Variants in RASSF5 observed in about 807,000 individuals in gnomAD.
The protein encoded by RASSF5 is Ras association domain family member 5, also known as ras association domain-containing protein 5.
Under a neutral mutation model 40.5 loss-of-function variants are expected in RASSF5, and 25 were observed. The observed-to-expected ratio is 0.62, with a 90% CI of 0.45 to 0.86. The LOEUF (loss-of-function observed/expected upper bound fraction) is 0.86. RASSF5 is among the 40% of genes least tolerant of loss of function. RASSF5 has a pLI of 0.00. For missense variants in RASSF5, 521 were observed against 572.8 expected (o/e 0.91, Z 0.92); for synonymous variants, 246 against 252.4 (o/e 0.97, Z 0.24).
intron 2 of RASSF5, among the ~76,000 whole-genome samples, chr1:206,582,730 T>C (rs2103568900): frequency 6.6e-6 from 1 of 152,354 alleles, no homozygotes; most frequent in East Asian, 1.9e-4. Context: ...GACTGGTCTC[T>C]ATGTGTCCTT....
At position 206,531,938 on chromosome 1, in the gene RASSF5, G is replaced by C. The variant is rs916460430; in HGVS notation, c.458-6234G>C. On this transcript the variant is annotated intron_variant, in intron 1 of 5. Transcript: ENST00000579436. The surrounding 1 kb of genome is among the most constrained non-coding windows in gnomAD (Gnocchi z 4.7). The stretch of plus-strand genomic sequence containing the variant: ...ATGGTGGCGGGTGCCTGTAATGCCA[G>C]CTGCTTGGGAGGCTGAGGCAGGAGA... Among the ~76,000 whole-genome samples, 2 of 151,966 alleles carry C rather than the reference G, an allele frequency of 1.3e-5. No homozygotes were observed. Among genetic ancestry groups the C allele is most frequent in the Non-Finnish European group, 2.9e-5 (2 of 67,992 alleles).
chr1:206,523,729 A>ATTATATATAATATAT lies in RASSF5; in HGVS notation c.458-14440_458-14426dup, dbSNP rs35566268. Among the ~76,000 whole-genome samples the ATTATATATAATATAT allele has an allele frequency of 7.7e-3, 744 of 96,154 alleles. 47 individuals carry two copies. In the East Asian group the frequency reaches 0.1, roughly 13 times the overall value. 63.1% of individuals were successfully genotyped at this position (96,154 alleles called of 152,430 possible). On this transcript the variant is annotated intron_variant, in intron 1 of 5. Coordinates refer to ENST00000579436, the MANE Select transcript of RASSF5 (RefSeq NM_182663.4). ...TATATATTATACAATATATTTATAT[A>ATTATATATAATATAT]TTATATATAATATATTTTATATAAT... is the stretch of plus-strand genomic sequence containing the variant.
chr1:206,579,128 G>A lies in RASSF5; in HGVS notation c.580-4141G>A, dbSNP rs971426121. On this transcript the variant is annotated intron_variant, in intron 2 of 5. Transcript: ENST00000579436. This position sits in a 1 kb window ranked among gnomAD's most constrained non-coding sequence, Gnocchi z 4.2. ...AAAGAAGACATTGCCCTTTTCCACC[G>A]CATAGGACATGTGAGCACAAACCTG... is the stretch of plus-strand genomic sequence containing the variant. Among the ~76,000 whole-genome samples the A allele has an allele frequency of 1.3e-5, 2 of 152,062 alleles. No individual in the cohort carries two copies. Among genetic ancestry groups the A allele is most frequent in the African/African-American group, 2.4e-5 (1 of 41,394 alleles).
At position 206,531,821 on chromosome 1, in the gene RASSF5, A is replaced by T. The variant is rs1468628786; in HGVS notation, c.458-6351A>T. Among the ~76,000 whole-genome samples, 2 of 152,154 alleles carry T rather than the reference A, an allele frequency of 1.3e-5. No homozygotes were observed. Among genetic ancestry groups the T allele is most frequent in the East Asian group, 3.9e-4 (2 of 5,168 alleles). On this transcript the variant is annotated intron_variant, in intron 1 of 5. Coordinates refer to ENST00000579436, the MANE Select transcript of RASSF5 (RefSeq NM_182663.4). The surrounding 1 kb of genome is among the most constrained non-coding windows in gnomAD (Gnocchi z 4.7). ...GGGAGGCCAAGGCAGGCGGATCACGAGGTCAGGAGATCGAGAGCATCCTGG... is the reference window on the plus strand; with the variant it reads ...GGGAGGCCAAGGCAGGCGGATCACGTGGTCAGGAGATCGAGAGCATCCTGG...
chr1:206,583,565 A>G (rs1476599196), intron 3 of RASSF5, 186 bp downstream of exon 3: 46 of 580,162 alleles, frequency 7.9e-5, no homozygotes, highest in South Asian at 4.0e-5. Flanking sequence ...CATGTGCTTT[A>G]GGGAAATAGA....
At chr1:206,568,547 C>T (rs983238317) in intron 2 of RASSF5, among the ~76,000 whole-genome samples, 2 of 152,090 alleles carry the variant, frequency 1.3e-5, no homozygotes, top group African/African-American at 4.8e-5. Flanking sequence ...GGAGACCACT[C>T]GGCTCCCACA....
At chr1:206,537,774 A>T (rs1452366515) in intron 1 of RASSF5, among the ~76,000 whole-genome samples, 1 of 152,146 alleles carries the variant, frequency 6.6e-6, no homozygotes, top group African/African-American at 2.4e-5. Context: ...AGGCCCATAA[A>T]AGTCAAGTCC....
rs781976515 is a variant in RASSF5, at chr1:206,583,325, G to A, written c.636G>A (p.Lys212=). ...TQRPPTLQEI[K]QKIDSYNTRE... The stretch of plus-strand genomic sequence containing the variant: ...GCCCGCCCACACTGCAGGAGATCAA[G>A]CAGAAGATCGACAGCTACAACACGC... Residue 212 remains lysine, a synonymous_variant, in exon 3 of 6, where the codon AAG becomes AAA. Coordinates refer to ENST00000579436, the MANE Select transcript of RASSF5 (RefSeq NM_182663.4). 6.2e-7 allele frequency: 1 copy of A among 1,613,652 alleles called. No individual in the cohort carries two copies. Among genetic ancestry groups the A allele is most frequent in the South Asian group, 1.1e-5 (1 of 91,058 alleles).
chr1:206,543,306 C>G (rs1667592390), intron 2 of RASSF5: 1 of 151,948 alleles, frequency 6.6e-6, no homozygotes, highest in Non-Finnish European at 1.5e-5. Context: ...AGGCCACTCT[C>G]TTTGGCCATC....
chr1:206,574,853 C>CTT (rs71570015), intron 2 of RASSF5, among the ~76,000 whole-genome samples: 903 of 86,062 alleles, frequency 0.01, 12 homozygotes, highest in Middle Eastern at 0.023. Flanking sequence ...GGACCAATGA[C>CTT]TTTTTTTTTT....
rs1221243841 is a variant in RASSF5 at position 206,524,056 on chromosome 1, G to T, written c.458-14116G>T. ...TATATAATATATTTTATATATAATAGGTATAACATATATAATATATTTTAT... is the reference window on the plus strand; with the variant it reads ...TATATAATATATTTTATATATAATATGTATAACATATATAATATATTTTAT... On this transcript the variant is annotated intron_variant, in intron 1 of 5. Coordinates refer to ENST00000579436, the MANE Select transcript of RASSF5 (RefSeq NM_182663.4). Among the ~76,000 whole-genome samples the T allele has an allele frequency of 2.0e-3, 198 of 99,168 alleles. 1 individual carries two copies. Among genetic ancestry groups the T allele is most frequent in the African/African-American group, 6.9e-3 (191 of 27,664 alleles). 65.1% of individuals were successfully genotyped at this position (99,168 alleles called of 152,430 possible). A position where few individuals can be genotyped will look rare whatever the true frequency, so the allele number is the denominator to read the frequency against.
intron 2 of RASSF5, chr1:206,572,555 A>G (rs1553404389): frequency 6.6e-6 from 1 of 152,002 alleles, no homozygotes; most frequent in African/African-American, 2.4e-5. Context: ...TCCCGAGAAA[A>G]CCCTCAGCCC....
At chr1:206,557,921 T>C (rs1200408020) in intron 2 of RASSF5, among the ~76,000 whole-genome samples, 1 of 152,188 alleles carries the variant, frequency 6.6e-6, no homozygotes, top group East Asian at 1.9e-4. Context: ...CTCTTCAAAA[T>C]GGCTCTCCAG....
chr1:206,572,062 C>G (rs1668470957), intron 2 of RASSF5, among the ~76,000 whole-genome samples: 1 of 152,214 alleles, frequency 6.6e-6, no homozygotes, highest in South Asian at 2.1e-4. Context: ...GGACAGAATT[C>G]TCATCTGGTG....
chr1:206,580,458 G>A (rs984260363), intron 2 of RASSF5, among the ~76,000 whole-genome samples: 9 of 152,144 alleles, frequency 5.9e-5, no homozygotes, highest in African/African-American at 1.4e-4. Flanking sequence ...ACCAGACAAC[G>A]GGGTCTTTCT....
chr1:206,557,682 C>T (rs1164190819), intron 2 of RASSF5: 11 of 1,614,104 alleles, frequency 6.8e-6, no homozygotes, highest in Non-Finnish European at 8.5e-6. Context: ...GCAGAGCAAA[C>T]ATCTTTCAAA....
Position 206,588,607 on chromosome 1 carries a change from G to A in RASSF5, c.*1629G>A, listed in dbSNP as rs1438593019. The A allele has an allele frequency of 6.6e-6, 1 of 152,360 alleles. No homozygotes were observed. Among genetic ancestry groups the A allele is most frequent in the Non-Finnish European group, 1.5e-5 (1 of 68,108 alleles). 9.4% of individuals were successfully genotyped at this position (152,360 alleles called of 1,614,324 possible). On this transcript the variant is annotated 3_prime_UTR_variant, in exon 6 of 6. Transcript: ENST00000579436. ...GTGTAGCTTCAGAAGTTCCCTCTCT[G>A]ACCCAGGCTGAGTCCATACTGCCCC...
chr1:206,558,282 G>A (rs1215896180), intron 2 of RASSF5, among the ~76,000 whole-genome samples: 1 of 152,026 alleles, frequency 6.6e-6, no homozygotes, highest in African/African-American at 2.4e-5. Context: ...AACCTGAAGG[G>A]GCTTGCGTGT....
chr1:206,558,551 G>C (rs1553402121), intron 2 of RASSF5, among the ~76,000 whole-genome samples: 1 of 152,162 alleles, frequency 6.6e-6, no homozygotes, highest in African/African-American at 2.4e-5. Flanking sequence ...CAGGTGTGTG[G>C]CAGGCTCATC....
Sources: gnomAD v4.1 joint callset for allele counts (sites outside exome capture counted in the v4.1 genomes callset) on GRCh38, gnomAD v4.1.1 for gene constraint, Gnocchi (gnomAD v3.1) non-coding constraint, MANE v1.5 for transcripts, NCBI Gene and HGNC (gene_info 2026-07-23, HGNC 2026-07-21) for gene names.